HOMER1: variants seen among roughly 807,000 people sequenced by gnomAD.
HOMER1 encodes the protein homer protein homolog 1.
In HOMER1, 3 loss-of-function variants were observed where a neutral mutation model predicts 48.9. The observed-to-expected ratio is 0.06, with a 90% CI of 0.03 to 0.16. HOMER1 has a LOEUF of 0.16. Ranked by LOEUF, HOMER1 falls within the 10% of genes least tolerant of loss-of-function variation. The pLI, the probability that HOMER1 is intolerant of heterozygous loss-of-function variation, is 1.00. For missense variants in HOMER1, 247 were observed against 411.4 expected, an observed-to-expected ratio of 0.60 and a Z score of 3.46; for synonymous variants, 134 against 146.4, an observed-to-expected ratio of 0.92 and a Z score of 0.61.
chr5:79,385,729 G>A (rs1024616725), intron 8 of HOMER1, among the ~76,000 whole-genome samples: 3 of 150,056 alleles, frequency 2.0e-5, no homozygotes, highest in Non-Finnish European at 4.4e-5. Context: ...TGTAATCCCA[G>A]CTACTCAGGA....
chr5:79,379,215 T>A (rs1371800261), intron 8 of HOMER1, among the ~76,000 whole-genome samples: 1 of 107,028 alleles, frequency 9.3e-6, no homozygotes, highest in African/African-American at 3.8e-5. Flanking sequence ...ATATATATTT[T>A]TATATATCTA....
At chr5:79,493,165 G>A (rs779698270) in intron 1 of HOMER1, among the ~76,000 whole-genome samples, 2 of 152,078 alleles carry the variant, frequency 1.3e-5, no homozygotes. Context: ...GCGATCGCCT[G>A]TCTCAGCCTC....
At chr5:79,399,342 T>A (rs1176845318) in intron 6 of HOMER1, among the ~76,000 whole-genome samples, 1 of 152,188 alleles carries the variant, frequency 6.6e-6, no homozygotes, top group East Asian at 1.9e-4. Flanking sequence ...CTGAGAATTT[T>A]AGGACTCTGC....
intron 5 of HOMER1, among the ~76,000 whole-genome samples, chr5:79,436,651 G>A (rs1205018872): frequency 6.6e-6 from 1 of 152,122 alleles, no homozygotes. Context: ...TCATTTTTCA[G>A]AAAGCCACGA....
Position 79,510,738 on chromosome 5 carries a change from G to C in HOMER1, c.5+2032C>G, listed in dbSNP as rs1752917804. ...AACTTGCCTACACTGTCCACCCCAA[G>C]CTTGGGAAGCATGCTCGTGCCCGCA... On this transcript the variant is annotated intron_variant, in intron 1 of 8. Coordinates refer to ENST00000334082, the MANE Select transcript of HOMER1 (RefSeq NM_004272.5). 3.9e-6 allele frequency: 3 copies of C among 774,776 alleles called. No homozygotes were observed. The East Asian group carries it at 7.3e-5, about 19-fold the overall frequency. The allele number at this position is 774,776 out of a possible 1,614,324, so 48.0% of individuals were successfully genotyped here.
chr5:79,394,646 T>C (rs556060737), intron 8 of HOMER1, among the ~76,000 whole-genome samples: 3 of 152,298 alleles, frequency 2.0e-5, no homozygotes, highest in Non-Finnish European at 4.4e-5. Context: ...GGTGTGATCA[T>C]AGCTCACTGC....
intron 8 of HOMER1, among the ~76,000 whole-genome samples, chr5:79,383,253 C>A (rs1749026271): frequency 6.6e-6 from 1 of 152,018 alleles, no homozygotes; most frequent in Admixed American, 6.5e-5. Context: ...GATTCCAATA[C>A]AATAATTTGT....
chr5:79,480,073 A>G (rs975830911), intron 1 of HOMER1, among the ~76,000 whole-genome samples: 5 of 152,180 alleles, frequency 3.3e-5, no homozygotes, highest in Non-Finnish European at 5.9e-5. Flanking sequence ...TCATTTCACT[A>G]AACAGCAAAC....
At chr5:79,376,422 C>T (rs952421871) in intron 8 of HOMER1, among the ~76,000 whole-genome samples, 2 of 152,170 alleles carry the variant, frequency 1.3e-5, no homozygotes, top group South Asian at 2.1e-4. Flanking sequence ...AACCACTCAA[C>T]GAAAATCTAC....
intron 8 of HOMER1, among the ~76,000 whole-genome samples, chr5:79,379,532 T>C (rs1748911290): frequency 7.1e-6 from 1 of 141,084 alleles, no homozygotes; most frequent in South Asian, 2.1e-4. Flanking sequence ...GAGAATTTTA[T>C]ATACATATAT....
At chr5:79,407,151 AC>A (rs1749685032) in intron 5 of HOMER1, among the ~76,000 whole-genome samples, 3 of 152,198 alleles carry the variant, frequency 2.0e-5, no homozygotes, top group Admixed American at 2.0e-4. Flanking sequence ...CATACCAACA[AC>A]AAAATCAAAA....
chr5:79,499,577 G>A (rs937219985), intron 1 of HOMER1, among the ~76,000 whole-genome samples: 3 of 151,980 alleles, frequency 2.0e-5, no homozygotes, highest in African/African-American at 7.3e-5. Context: ...AAGGCATTAT[G>A]AGTGCATAAA....
At chr5:79,494,038 A>C (rs1752357506) in intron 1 of HOMER1, among the ~76,000 whole-genome samples, 1 of 152,216 alleles carries the variant, frequency 6.6e-6, no homozygotes. Flanking sequence ...TTTCTGGTAC[A>C]TGTGATCCTG....
intron 5 of HOMER1, among the ~76,000 whole-genome samples, chr5:79,412,795 G>A (rs962657481): frequency 1.6e-4 from 25 of 152,196 alleles, no homozygotes; most frequent in African/African-American, 5.1e-4. Flanking sequence ...TATAGACAAT[G>A]ATAGTTCAAT....
chr5:79,433,555 G>A (rs555393153), intron 5 of HOMER1, among the ~76,000 whole-genome samples: 1 of 152,168 alleles, frequency 6.6e-6, no homozygotes, highest in African/African-American at 2.4e-5. Context: ...GCAACAGAGT[G>A]AGACTCCATC....
chr5:79,511,535 G>T (rs1752941604), intron 1 of HOMER1, among the ~76,000 whole-genome samples: 1 of 152,194 alleles, frequency 6.6e-6, no homozygotes, highest in African/African-American at 2.4e-5. Flanking sequence ...AGATCACTAA[G>T]CTACTAATAG....
chr5:79,507,965 A>G (rs1752824560), intron 1 of HOMER1, among the ~76,000 whole-genome samples: 1 of 152,110 alleles, frequency 6.6e-6, no homozygotes, highest in African/African-American at 2.4e-5. Flanking sequence ...CGTTCAGCCA[A>G]CTACACATCT....
In HOMER1 at chr5:79,439,157, A is replaced by T. The variant is rs749836142; in HGVS notation, c.388-8T>A. 1.2e-6 allele frequency: 2 copies of T among 1,613,670 alleles called. No homozygotes were observed. ...ATCCCCGCCTGCGGATTCCTTTAAA[A>T]AAAGGGGTGGGGGATAAAAAATAGT... On this transcript the variant is annotated splice_region_variant and splice_polypyrimidine_tract_variant and intron_variant, in intron 4 of 8. Coordinates refer to ENST00000334082, the MANE Select transcript of HOMER1 (RefSeq NM_004272.5).
chr5:79,381,314 C>T (rs1748965775), intron 8 of HOMER1, among the ~76,000 whole-genome samples: 1 of 152,216 alleles, frequency 6.6e-6, no homozygotes, highest in Non-Finnish European at 1.5e-5. Flanking sequence ...CCAAAGTGCC[C>T]TGTGCATCCA....
Sources: gnomAD v4.1 joint callset for allele counts (sites outside exome capture counted in the v4.1 genomes callset) on GRCh38, gnomAD v4.1.1 for gene constraint, MANE v1.5 for transcripts, NCBI Gene and HGNC (gene_info 2026-07-23, HGNC 2026-07-21) for gene names.